ITGAV: variants seen among roughly 807,000 people sequenced by gnomAD.
ITGAV encodes the protein integrin alpha-V.
In ITGAV, 76 loss-of-function variants were observed where a neutral mutation model predicts 143.8. The observed-to-expected ratio is 0.53, with a 90% CI of 0.44 to 0.64. The LOEUF (loss-of-function observed/expected upper bound fraction) is 0.64, where lower values mean the gene tolerates loss of function less well. Ranked by LOEUF, ITGAV falls within the 30% of genes least tolerant of loss-of-function variation. ITGAV has a pLI of 0.00. For synonymous variants in ITGAV, 453 were observed against 446.7 expected (o/e 1.01, Z -0.18); for missense variants, 1,193 against 1,274.7 (o/e 0.94, Z 0.98).
At chr2:186,611,213 C>G (rs1268366799) in intron 2 of ITGAV, among the ~76,000 whole-genome samples, 1 of 152,074 alleles carries the variant, frequency 6.6e-6, no homozygotes, top group East Asian at 1.9e-4. Context: ...CCCAGCTAAT[C>G]CAGACTTACC....
At chr2:186,660,677 T>C (rs999726688) in intron 18 of ITGAV, 6 of 152,340 alleles carry the variant, frequency 3.9e-5, no homozygotes, top group African/African-American at 7.2e-5. Flanking sequence ...AGAAAAGGTA[T>C]AGGTGAAATT....
chr2:186,677,506 G>T lies in ITGAV; in HGVS notation c.*214G>T. On this transcript the variant is annotated 3_prime_UTR_variant, in exon 30 of 30. Coordinates refer to ENST00000261023, the MANE Select transcript of ITGAV (RefSeq NM_002210.5). ...TAACATAGGGTGACTTGTGTTTTTAGGTATTTAAATAATAAAATTTCAAGG... is the reference window on the plus strand; with the variant it reads ...TAACATAGGGTGACTTGTGTTTTTATGTATTTAAATAATAAAATTTCAAGG... The T allele has an allele frequency of 4.6e-6, 2 of 439,452 alleles. No homozygotes were observed. Among genetic ancestry groups the T allele is most frequent in the Non-Finnish European group, 8.2e-6 (2 of 243,336 alleles). 27.2% of individuals were successfully genotyped at this position (439,452 alleles called of 1,614,324 possible). A position where few individuals can be genotyped will look rare whatever the true frequency, so the allele number is the denominator to read the frequency against.
chr2:186,633,479 G>T, intron 6 of ITGAV, 105 bp downstream of exon 6: 1 of 543,232 alleles, frequency 1.8e-6, no homozygotes, highest in Non-Finnish European at 3.3e-6. Flanking sequence ...AGAAAGAAAT[G>T]GAAATACAAT....
intron 3 of ITGAV, among the ~76,000 whole-genome samples, chr2:186,624,896 T>A (rs1289241094): frequency 1.3e-5 from 2 of 152,014 alleles, no homozygotes; most frequent in Non-Finnish European, 2.9e-5. Flanking sequence ...ACCTTTAGCA[T>A]AGCATATTAC....
intron 1 of ITGAV, 123 bp downstream of exon 1, chr2:186,590,646 C>A: frequency 1.2e-6 from 1 of 867,570 alleles, no homozygotes; most frequent in South Asian, 1.8e-5. Flanking sequence ...CCCATCCTAC[C>A]TCTCAGAGTG....
Position 186,678,871 on chromosome 2 carries a change from C to T in ITGAV, c.*1579C>T, listed in dbSNP as rs1689283063. The T allele has an allele frequency of 5.2e-6, 2 of 382,802 alleles. No individual in the cohort carries two copies. The highest frequency in any genetic ancestry group is 2.0e-5 in the South Asian group (1 of 49,928). The allele number at this position is 382,802 out of a possible 1,614,324, so 23.7% of individuals were successfully genotyped here. ...TGTTTTAAAAATGATTGAAATTTAT[C>T]TTGCCATATCTCATAATTTCATGCA... On this transcript the variant is annotated 3_prime_UTR_variant, in exon 30 of 30. Transcript: ENST00000261023.
At position 186,627,093 on chromosome 2, in the gene ITGAV, A is replaced by G. The variant is rs61763634; in HGVS notation, c.523+1506A>G. Among the ~76,000 whole-genome samples, 1,168 of 152,276 alleles carry G rather than the reference A, an allele frequency of 7.7e-3. 20 individuals are homozygous for G. The highest frequency in any genetic ancestry group is 0.027 in the African/African-American group (1,124 of 41,552). ...TGCATGTGGGAACTGAGGTTCACATAGTTGAAGCAATCTTATTTCCACATC... is the reference window on the plus strand; with the variant it reads ...TGCATGTGGGAACTGAGGTTCACATGGTTGAAGCAATCTTATTTCCACATC... On this transcript the variant is annotated intron_variant, in intron 4 of 29. Transcript: ENST00000261023.
chr2:186,652,231 T>G, intron 15 of ITGAV, 142 bp downstream of exon 15: 1 of 621,782 alleles, frequency 1.6e-6, no homozygotes, highest in Admixed American at 3.0e-5. Context: ...CTTTTTTTAT[T>G]TGAAGCAAGG....
chr2:186,622,514 G>A, intron 3 of ITGAV, 84 bp downstream of exon 3: 3 of 868,442 alleles, frequency 3.5e-6, no homozygotes, highest in Non-Finnish European at 3.9e-6. Context: ...CAGGCTGATA[G>A]TAAAATTCAG....
rs1688277519 is a variant in ITGAV, at chr2:186,646,856, A to G, written c.1330A>G (p.Ile444Val). 1 of 1,590,582 alleles carries G rather than the reference A, an allele frequency of 6.3e-7. No individual in the cohort carries two copies. The highest frequency in any genetic ancestry group is 8.6e-7 in the Non-Finnish European group (1 of 1,164,068). The change falls in exon 13 of 30, where the codon ATA becomes GTA. Residue 444 changes from isoleucine to valine, a missense_variant. Coordinates refer to ENST00000261023, the MANE Select transcript of ITGAV (RefSeq NM_002210.5). ...CTATTCAATGAAAGGAGCCACAGAT[A>G]TAGACAAAAATGGATATCCAGGTGC... ...FGYSMKGATD[I>V]DKNGYPDLIV... is the part of the protein sequence containing the mutation.
At chr2:186,655,314 T>G (rs1368587954) in intron 16 of ITGAV, among the ~76,000 whole-genome samples, 1 of 151,930 alleles carries the variant, frequency 6.6e-6, no homozygotes, top group Non-Finnish European at 1.5e-5. Context: ...AACTGTTGGG[T>G]GTGTGTTTGT....
Position 186,664,502 on chromosome 2 carries a change from A to C in ITGAV, c.1934A>C (p.Lys645Thr). The C allele has an allele frequency of 2.5e-6, 4 of 1,613,890 alleles. No individual in the cohort carries two copies. The South Asian group carries it at 4.4e-5, about 18-fold the overall frequency. ...KLEVSVDSDQ[K>T]KIYIGDDNPL... ...GTATTGTTAACTTGTAGTGATCAAA[A>C]GAAGATCTATATTGGGGATGACAAC... Residue 645 changes from lysine (K) to threonine (T), a missense_variant, in exon 20 of 30, where the codon AAG becomes ACG. Lys to Thr is a moderately conservative substitution (Grantham distance 78, BLOSUM62 -1). Coordinates refer to ENST00000261023, the MANE Select transcript of ITGAV (RefSeq NM_002210.5).
Position 186,665,588 on chromosome 2 carries a change from C to T in ITGAV, c.2166+370C>T, listed in dbSNP as rs528240902. Among the ~76,000 whole-genome samples the T allele has an allele frequency of 7.6e-4, 116 of 152,292 alleles. 1 individual carries two copies. The Middle Eastern group carries it at 0.01, about 13-fold the overall frequency. ...CTGTCAATCCTAGGTGAGCTAGATT[C>T]CATCACAGGCCCCACACAGAGGATC... On this transcript the variant is annotated intron_variant, in intron 21 of 29. Transcript: ENST00000261023.
At chr2:186,652,186 A>G (rs1281600999) in intron 15 of ITGAV, 97 bp downstream of exon 15, 1 of 742,796 alleles carries the variant, frequency 1.3e-6, no homozygotes, top group Admixed American at 2.5e-5. Flanking sequence ...AAATATTGCT[A>G]AAACAGTTTC....
chr2:186,598,329 A>G (rs1686804686), intron 1 of ITGAV, among the ~76,000 whole-genome samples: 1 of 147,240 alleles, frequency 6.8e-6, no homozygotes, highest in South Asian at 2.2e-4. Context: ...ACACACACAC[A>G]GAGTTTCACT....
chr2:186,604,537 G>T (rs576902418), intron 2 of ITGAV, among the ~76,000 whole-genome samples: 1 of 152,182 alleles, frequency 6.6e-6, no homozygotes, highest in African/African-American at 2.4e-5. Flanking sequence ...GGATCAAAAT[G>T]TATGTATATT....
At chr2:186,594,235 A>AAG (rs1686688217) in intron 1 of ITGAV, among the ~76,000 whole-genome samples, 2 of 152,290 alleles carry the variant, frequency 1.3e-5, no homozygotes, top group South Asian at 4.1e-4. Flanking sequence ...TCTTAACTCA[A>AAG]TTTGACTAAA....
At chr2:186,670,845 A>G (rs577877864) in intron 26 of ITGAV, among the ~76,000 whole-genome samples, 1 of 152,324 alleles carries the variant, frequency 6.6e-6, no homozygotes, top group Non-Finnish European at 1.5e-5. Context: ...TTAAATATCT[A>G]ATAGGAATCT....
At chr2:186,632,630 C>T (rs563509651) in intron 5 of ITGAV, among the ~76,000 whole-genome samples, 4 of 151,962 alleles carry the variant, frequency 2.6e-5, no homozygotes, top group Non-Finnish European at 4.4e-5. Context: ...TATAATACAC[C>T]CTGAAAATTT....
Sources: gnomAD v4.1 joint callset for allele counts (sites outside exome capture counted in the v4.1 genomes callset) on GRCh38, gnomAD v4.1.1 for gene constraint, MANE v1.5 for transcripts, NCBI Gene and HGNC (gene_info 2026-07-23, HGNC 2026-07-21) for gene names.